SUPT3H: variants seen among roughly 807,000 people sequenced by gnomAD.
SUPT3H encodes the protein SPT3 homolog, SAGA and STAGA complex component.
A neutral mutation model predicts 44.3 loss-of-function variants in SUPT3H; 44 were observed. That is an observed-to-expected ratio of 0.99 (90% CI 0.78 to 1.28). The LOEUF is 1.28. SUPT3H is among the 50% of genes most tolerant of loss of function. SUPT3H has a pLI of 0.00. For synonymous variants in SUPT3H, 124 were observed against 125.6 expected (o/e 0.99, Z 0.09); for missense variants, 380 against 387.1 (o/e 0.98, Z 0.15).
chr6:44,933,642 G>T (rs1295323463), intron 9 of SUPT3H, among the ~76,000 whole-genome samples: 2 of 152,116 alleles, frequency 1.3e-5, no homozygotes, highest in Admixed American at 6.5e-5. Flanking sequence ...ACACATGCTA[G>T]GAAATTGTTT....
chr6:45,267,317 C>T (rs1775418787), intron 2 of SUPT3H, among the ~76,000 whole-genome samples: 1 of 151,942 alleles, frequency 6.6e-6, no homozygotes, highest in Non-Finnish European at 1.5e-5. Context: ...ATCTAAAATC[C>T]CTTACTTCTT....
At chr6:45,309,535 T>C (rs1783636979) in intron 2 of SUPT3H, among the ~76,000 whole-genome samples, 4 of 151,416 alleles carry the variant, frequency 2.6e-5, no homozygotes, top group South Asian at 4.2e-4. Context: ...ATTTCGGTCA[T>C]AGGAGTTCAA....
chr6:44,880,885 G>T (rs1778113419), intron 10 of SUPT3H, among the ~76,000 whole-genome samples: 1 of 152,196 alleles, frequency 6.6e-6, no homozygotes, highest in Admixed American at 6.5e-5. Flanking sequence ...TGCTGATTTT[G>T]TCACCACCAG....
rs554445821 is a variant in SUPT3H at position 45,356,399 on chromosome 6, T to C, written c.101+8802A>G. On this transcript the variant is annotated intron_variant, in intron 2 of 10. Transcript: ENST00000371459. Reference sequence around the variant, plus strand: ...ATTGGAATATATCAATTCTCATTTCTTTTTTTTTCTTTTTTTGAGACAGAG... The same window carrying C: ...ATTGGAATATATCAATTCTCATTTCCTTTTTTTTCTTTTTTTGAGACAGAG... 2.6e-5 allele frequency among the ~76,000 whole-genome samples: 4 copies of C among 151,320 alleles called. No individual in the cohort carries two copies. The South Asian group carries it at 6.3e-4, about 24-fold the overall frequency.
At position 45,158,038 on chromosome 6, in the gene SUPT3H, G is replaced by T. The variant is rs148371526; in HGVS notation, c.102-52032C>A. Among the ~76,000 whole-genome samples, 349 of 146,718 alleles carry T rather than the reference G, an allele frequency of 2.4e-3. 1 individual carries two copies. Among genetic ancestry groups the T allele is most frequent in the African/African-American group, 8.0e-3 (320 of 40,154 alleles). On this transcript the variant is annotated intron_variant, in intron 2 of 10. Transcript: ENST00000371459. ...TCCATGCTCTAGGGGATTTAAAAAAGAATCACATTTATAATTTATTTATAA... is the reference window on the plus strand; with the variant it reads ...TCCATGCTCTAGGGGATTTAAAAAATAATCACATTTATAATTTATTTATAA...
intron 5 of SUPT3H, among the ~76,000 whole-genome samples, chr6:45,011,934 T>C (rs1208265498): frequency 6.6e-6 from 1 of 152,042 alleles, no homozygotes; most frequent in African/African-American, 2.4e-5. Context: ...AAAGATAGTT[T>C]TGCTGGATAT....
chr6:45,276,203 G>C (rs1233197006), intron 2 of SUPT3H, among the ~76,000 whole-genome samples: 4 of 151,986 alleles, frequency 2.6e-5, no homozygotes, highest in Non-Finnish European at 4.4e-5. Flanking sequence ...ACTAAAAACA[G>C]TGTTTGAATA....
intron 10 of SUPT3H, among the ~76,000 whole-genome samples, chr6:44,853,430 C>A (rs1210738517): frequency 1.3e-5 from 2 of 152,082 alleles, no homozygotes; most frequent in Non-Finnish European, 2.9e-5. Flanking sequence ...GAGGTCAATG[C>A]AGAAGGATTG....
At chr6:44,951,300 T>C (rs1774276811) in intron 9 of SUPT3H, among the ~76,000 whole-genome samples, 1 of 151,708 alleles carries the variant, frequency 6.6e-6, no homozygotes, top group South Asian at 2.1e-4. Context: ...AACCAGTATA[T>C]GCCATCTTAA....
intron 3 of SUPT3H, among the ~76,000 whole-genome samples, chr6:45,070,890 G>A (rs1330970733): frequency 6.6e-6 from 1 of 152,044 alleles, no homozygotes; most frequent in African/African-American, 2.4e-5. Context: ...TAAGTTCACA[G>A]GAAACAAAGC....
chr6:45,163,663 T>C (rs1194859261), intron 2 of SUPT3H, among the ~76,000 whole-genome samples: 1 of 152,138 alleles, frequency 6.6e-6, no homozygotes, highest in Non-Finnish European at 1.5e-5. Context: ...AGGACCACTA[T>C]CTTTTTACCT....
chr6:44,889,313 A>G (rs1762875443), intron 10 of SUPT3H, among the ~76,000 whole-genome samples: 1 of 152,190 alleles, frequency 6.6e-6, no homozygotes, highest in East Asian at 1.9e-4. Context: ...CACCAAGTCA[A>G]TCCTAAGCCA....
intron 3 of SUPT3H, among the ~76,000 whole-genome samples, chr6:45,077,442 C>T (rs1216267654): frequency 6.6e-6 from 1 of 151,644 alleles, no homozygotes; most frequent in African/African-American, 2.4e-5. Flanking sequence ...GCCTGGGCAA[C>T]ATAGTGAAAC....
At chr6:44,928,905 G>GAAAAAAAAAA (rs1210373765) in intron 10 of SUPT3H, among the ~76,000 whole-genome samples, 3 of 62,934 alleles carry the variant, frequency 4.8e-5, no homozygotes, top group African/African-American at 9.8e-5. Context: ...AAAAAAAAAA[G>GAAAAAAAAAA]AAAAGAAAAG....
chr6:44,973,894 G>A (rs1200110223), intron 6 of SUPT3H, among the ~76,000 whole-genome samples: 1 of 152,090 alleles, frequency 6.6e-6, no homozygotes, highest in African/African-American at 2.4e-5. Context: ...CAGCATGGAG[G>A]TAACAGCCCC....
chr6:44,829,080 C>T lies in SUPT3H; in HGVS notation c.*736G>A, dbSNP rs1234570501. On this transcript the variant is annotated 3_prime_UTR_variant, in exon 11 of 11. Transcript: ENST00000371459. Reference sequence around the variant, plus strand: ...GCTCCCCTTCTACTGATTCTGAATACTTGGCTTCTAAATGTGTATGGCATG... The same window carrying T: ...GCTCCCCTTCTACTGATTCTGAATATTTGGCTTCTAAATGTGTATGGCATG... 3 of 152,394 alleles carry T rather than the reference C, an allele frequency of 2.0e-5. No homozygotes were observed. Among genetic ancestry groups the T allele is most frequent in the African/African-American group, 7.2e-5 (3 of 41,424 alleles). The allele number at this position is 152,394 out of a possible 1,614,324, so 9.4% of individuals were successfully genotyped here. A position where few individuals can be genotyped will look rare whatever the true frequency, so the allele number is the denominator to read the frequency against.
At chr6:44,957,457 C>A (rs1775379802) in intron 7 of SUPT3H, among the ~76,000 whole-genome samples, 1 of 152,030 alleles carries the variant, frequency 6.6e-6, no homozygotes, top group Admixed American at 6.5e-5. Context: ...CTGTGGAATA[C>A]TTCTAAAGTT....
intron 2 of SUPT3H, among the ~76,000 whole-genome samples, chr6:45,272,367 T>C (rs1290048781): frequency 6.6e-6 from 1 of 152,102 alleles, no homozygotes. Context: ...GCTGTTCTTG[T>C]GATAGTGAGT....
chr6:45,361,388 T>C (rs944508720), intron 2 of SUPT3H, among the ~76,000 whole-genome samples: 1 of 152,170 alleles, frequency 6.6e-6, no homozygotes, highest in East Asian at 1.9e-4. Flanking sequence ...GGCATCATTA[T>C]CATCAGGCCT....
Sources: gnomAD v4.1 joint callset for allele counts (sites outside exome capture counted in the v4.1 genomes callset) on GRCh38, gnomAD v4.1.1 for gene constraint, MANE v1.5 for transcripts, NCBI Gene and HGNC (gene_info 2026-07-23, HGNC 2026-07-21) for gene names.